The following FHOD3 variants were observed in gnomAD, a reference collection of about 807,000 sequenced individuals.
The protein encoded by FHOD3 is formin homology 2 domain containing 3.
FHOD3 carries 90 observed loss-of-function variants against 173.0 expected under a neutral mutation model. The ratio of observed to expected loss-of-function variants is 0.52; its 90% CI spans 0.44 to 0.62. The LOEUF is 0.62. Ranked by LOEUF, FHOD3 falls within the 20% of genes least tolerant of loss-of-function variation. The probability of loss-of-function intolerance (pLI) is 0.00; values close to 1 mark genes in which losing one functional copy is unlikely to be tolerated. For synonymous variants in FHOD3, 828 were observed against 823.0 expected (o/e 1.01, Z -0.10); for missense variants, 1,945 against 2,034.7 (o/e 0.96, Z 0.85).
At chr18:36,344,002 A>C (rs1193884810) in intron 1 of FHOD3, among the ~76,000 whole-genome samples, 1 of 152,132 alleles carries the variant, frequency 6.6e-6, no homozygotes, top group Non-Finnish European at 1.5e-5. Context: ...TCTGAAATTC[A>C]CTGTGGTGAT....
intron 10 of FHOD3, among the ~76,000 whole-genome samples, chr18:36,635,454 G>A (rs138331532): frequency 2.0e-5 from 3 of 152,180 alleles, no homozygotes; most frequent in East Asian, 3.9e-4. Flanking sequence ...GAACTCACTG[G>A]GGGAGAGCAG....
chr18:36,352,112 A>G (rs535758067), intron 1 of FHOD3, among the ~76,000 whole-genome samples: 2 of 152,148 alleles, frequency 1.3e-5, no homozygotes, highest in South Asian at 4.1e-4. Context: ...AAATGTAGCT[A>G]TTACTAAAAA....
rs570569007 is a variant in FHOD3 at position 36,339,276 on chromosome 18, C to A, written c.166-16263C>A. On this transcript the variant is annotated intron_variant, in intron 1 of 28. Transcript: ENST00000590592. ...GATTCCAAGTCATGTTCTATGGGCC[C>A]CACCATCCAGGAATGCAAGCAGATG... Among the ~76,000 whole-genome samples the A allele has an allele frequency of 5.9e-5, 9 of 152,168 alleles. No individual in the cohort carries two copies. In the South Asian group the frequency reaches 1.9e-3, roughly 32 times the overall value.
At chr18:36,667,314 A>G (rs994946144) in intron 14 of FHOD3, among the ~76,000 whole-genome samples, 2 of 152,244 alleles carry the variant, frequency 1.3e-5, no homozygotes, top group African/African-American at 4.8e-5. Flanking sequence ...GAACAATTAT[A>G]TTCCAATAAC....
At chr18:36,762,813 GTATTA>G (rs1052262643) in intron 27 of FHOD3, among the ~76,000 whole-genome samples, 2 of 146,854 alleles carry the variant, frequency 1.4e-5, no homozygotes, top group Non-Finnish European at 3.0e-5. Context: ...ATATATATAT[GTATTA>G]TATATTTTAT....
chr18:36,393,638 T>C (rs2048411089), intron 3 of FHOD3, among the ~76,000 whole-genome samples: 1 of 152,182 alleles, frequency 6.6e-6, no homozygotes, highest in South Asian at 2.1e-4. Flanking sequence ...CAATCAGTCA[T>C]TCATTTCCCC....
chr18:36,544,236 C>T (rs977882374), intron 5 of FHOD3, among the ~76,000 whole-genome samples: 10 of 152,276 alleles, frequency 6.6e-5, no homozygotes, highest in Admixed American at 2.0e-4. Context: ...GAGTTAGTGC[C>T]GGGAGCTGGT....
intron 4 of FHOD3, among the ~76,000 whole-genome samples, chr18:36,505,084 GAT>G (rs1349145611): frequency 6.6e-6 from 1 of 152,220 alleles, no homozygotes; most frequent in Non-Finnish European, 1.5e-5. Context: ...GTGCAGGCTG[GAT>G]GCACCAATGG....
chr18:36,447,542 C>A (rs186600532), intron 3 of FHOD3, among the ~76,000 whole-genome samples: 3 of 152,218 alleles, frequency 2.0e-5, no homozygotes, highest in Admixed American at 2.0e-4. Flanking sequence ...GTTGACTGTA[C>A]CGAAGAACTT....
At chr18:36,367,992 C>A (rs992720079) in intron 2 of FHOD3, among the ~76,000 whole-genome samples, 1 of 152,074 alleles carries the variant, frequency 6.6e-6, no homozygotes, top group Non-Finnish European at 1.5e-5. Context: ...GGTGAATTTC[C>A]TGAGCCTCCC....
intron 3 of FHOD3, among the ~76,000 whole-genome samples, chr18:36,477,796 C>T (rs2053673700): frequency 6.6e-6 from 1 of 152,110 alleles, no homozygotes; most frequent in Non-Finnish European, 1.5e-5. Context: ...AAGTGGGCAA[C>T]ACAGAGACAG....
intron 14 of FHOD3, among the ~76,000 whole-genome samples, chr18:36,676,579 C>T (rs979492016): frequency 2.0e-5 from 3 of 152,146 alleles, no homozygotes; most frequent in Non-Finnish European, 2.9e-5. Flanking sequence ...AGGATATATA[C>T]ATCTTCAAAT....
chr18:36,309,922 G>A lies in FHOD3; in HGVS notation c.165+11922G>A, dbSNP rs77694875. 9.5e-3 allele frequency among the ~76,000 whole-genome samples: 1,440 copies of A among 152,322 alleles called. 22 individuals carry two copies. Among genetic ancestry groups the A allele is most frequent in the African/African-American group, 0.032 (1,349 of 41,570 alleles). ...CTCATGACCCTGAAAGAGGGCAAGT[G>A]GGGCATTTGGGCCTCCGTCTCAAAG... On this transcript the variant is annotated intron_variant, in intron 1 of 28. Transcript: ENST00000590592.
At chr18:36,633,545 C>T (rs184433469) in intron 10 of FHOD3, among the ~76,000 whole-genome samples, 4 of 152,234 alleles carry the variant, frequency 2.6e-5, no homozygotes, top group East Asian at 3.9e-4. Context: ...GTAGGAGTAT[C>T]GTCCCCATTT....
At chr18:36,769,121 C>T (rs759592067) in intron 27 of FHOD3, 144 bp from the exon 28 acceptor site, 407 of 908,200 alleles carry the variant, frequency 4.5e-4, no homozygotes, top group Non-Finnish European at 6.3e-4. Context: ...CCCTCTGGAT[C>T]TATCACTAGC....
chr18:36,766,903 G>A (rs1312160296), intron 27 of FHOD3, among the ~76,000 whole-genome samples: 2 of 152,072 alleles, frequency 1.3e-5, no homozygotes, highest in Non-Finnish European at 2.9e-5. Flanking sequence ...AAGGTATTTC[G>A]GCATTTTAAG....
rs2040898854 is a variant in FHOD3 at position 36,723,557 on chromosome 18, A to T, written c.3417+4842A>T. Among the ~76,000 whole-genome samples the T allele has an allele frequency of 2.6e-5, 4 of 151,894 alleles. No individual in the cohort carries two copies. In the South Asian group the frequency reaches 8.4e-4, roughly 32 times the overall value. ...AGTTTTGAAAATATCCTGTGGCATC[A>T]CTCTTTTGGCAGGGAGCGAGGAGGG... On this transcript the variant is annotated intron_variant, in intron 19 of 28. Transcript: ENST00000590592.
chr18:36,492,245 C>G (rs941926384), intron 3 of FHOD3, among the ~76,000 whole-genome samples: 1 of 152,092 alleles, frequency 6.6e-6, no homozygotes, highest in African/African-American at 2.4e-5. Flanking sequence ...TCATTTTGTT[C>G]CATGTCACCT....
intron 3 of FHOD3, among the ~76,000 whole-genome samples, chr18:36,387,742 C>A (rs1009243003): frequency 5.9e-5 from 9 of 152,150 alleles, no homozygotes; most frequent in African/African-American, 2.2e-4. Context: ...CCCTGCTGCT[C>A]CTCCACCCCG....
Sources: gnomAD v4.1 joint callset for allele counts (sites outside exome capture counted in the v4.1 genomes callset) on GRCh38, gnomAD v4.1.1 for gene constraint, MANE v1.5 for transcripts, NCBI Gene and HGNC (gene_info 2026-07-23, HGNC 2026-07-21) for gene names.